Variants in MTHFD2L observed in about 807,000 individuals in gnomAD.
The protein encoded by MTHFD2L is methylenetetrahydrofolate dehydrogenase (NADP+ dependent) 2 like, also known as bifunctional methylenetetrahydrofolate dehydrogenase/cyclohydrolase 2, mitochondrial.
A neutral mutation model predicts 34.9 loss-of-function variants in MTHFD2L; 29 were observed. The observed-to-expected ratio is 0.83, with a 90% CI of 0.62 to 1.13. The LOEUF (loss-of-function observed/expected upper bound fraction) is 1.13, where lower values mean the gene tolerates loss of function less well. MTHFD2L is among the 50% of genes most tolerant of loss of function. The pLI, the probability that MTHFD2L is intolerant of heterozygous loss-of-function variation, is 0.00. For synonymous variants in MTHFD2L, 167 were observed against 155.7 expected, an observed-to-expected ratio of 1.07 and a Z score of -0.54; for missense variants, 481 against 446.5, an observed-to-expected ratio of 1.08 and a Z score of -0.70.
chr4:74,178,208 T>C (rs1164011664), intron 3 of MTHFD2L, among the ~76,000 whole-genome samples: 1 of 152,066 alleles, frequency 6.6e-6, no homozygotes, highest in Non-Finnish European at 1.5e-5. Flanking sequence ...ACATACTATA[T>C]ACTTGCAAAT....
At chr4:74,228,899 G>A (rs535968961) in intron 6 of MTHFD2L, among the ~76,000 whole-genome samples, 4 of 152,152 alleles carry the variant, frequency 2.6e-5, no homozygotes, top group Non-Finnish European at 5.9e-5. Context: ...ACCAGAGGGC[G>A]CCAGTCAGGT....
At chr4:74,144,939 A>G (rs1169898127) in intron 1 of MTHFD2L, among the ~76,000 whole-genome samples, 1 of 152,208 alleles carries the variant, frequency 6.6e-6, no homozygotes, top group Non-Finnish European at 1.5e-5. Context: ...TATAATTTTG[A>G]TTATCCATAG....
At chr4:74,142,171 A>C (rs1016845537) in intron 1 of MTHFD2L, among the ~76,000 whole-genome samples, 1 of 152,234 alleles carries the variant, frequency 6.6e-6, no homozygotes, top group East Asian at 1.9e-4. Flanking sequence ...GCATAGCTGC[A>C]CTACAAAATT....
chr4:74,175,655 A>G (rs1728886650), intron 3 of MTHFD2L, among the ~76,000 whole-genome samples: 1 of 152,060 alleles, frequency 6.6e-6, no homozygotes, highest in Non-Finnish European at 1.5e-5. Flanking sequence ...GTCTCTAAAA[A>G]TGACGATGTA....
upstream of MTHFD2L, chr4:74,158,040 G>A (rs1416861413): frequency 4.6e-6 from 7 of 1,507,330 alleles, no homozygotes; most frequent in South Asian, 1.2e-5. Flanking sequence ...GCTACTTGCT[G>A]CCCTGCCAGC....
chr4:74,206,134 TA>T lies in MTHFD2L; in HGVS notation c.712+4778del, dbSNP rs77020635. On this transcript the variant is annotated intron_variant, in intron 5 of 7. Transcript: ENST00000325278. ...CAGTAACTTTATTAACCAAAACTAG[TA>T]AAAAAAAAAAAAAGGGAAGCAGCCA... Among the ~76,000 whole-genome samples the T allele has an allele frequency of 7.0e-3, 887 of 126,074 alleles. 1 individual carries two copies. The highest frequency in any genetic ancestry group is 8.1e-3 in the Non-Finnish European group (462 of 56,972). 82.7% of individuals were successfully genotyped at this position (126,074 alleles called of 152,430 possible). A position where few individuals can be genotyped will look rare whatever the true frequency, so the allele number is the denominator to read the frequency against.
In MTHFD2L at chr4:74,251,643, C is replaced by A. The variant is rs374165816; in HGVS notation, c.805+26249C>A. Among the ~76,000 whole-genome samples, 167 of 152,168 alleles carry A rather than the reference C, an allele frequency of 1.1e-3. 3 individuals are homozygous for A. In the South Asian group the frequency reaches 0.031, roughly 29 times the overall value. ...CCACAAATATGCCTGAAAAACATGC[C>A]CTCACTGCCACAAGCCAGGCTAAGT... is the stretch of plus-strand genomic sequence containing the variant. On this transcript the variant is annotated intron_variant, in intron 6 of 7. Transcript: ENST00000325278.
chr4:74,281,565 T>A lies in MTHFD2L; in HGVS notation c.931+15T>A. On this transcript the variant is annotated intron_variant, in intron 7 of 7. Transcript: ENST00000325278. ...GGACTTCGAAGGTAATAAACCAATA[T>A]CTTTTGATAGGTGAAGAAGATAAAA... 6.2e-7 allele frequency: 1 copy of A among 1,603,742 alleles called. No homozygotes were observed. The highest frequency in any genetic ancestry group is 8.5e-7 in the Non-Finnish European group (1 of 1,176,164).
chr4:74,263,374 A>G (rs1276549969), intron 6 of MTHFD2L, among the ~76,000 whole-genome samples: 1 of 151,814 alleles, frequency 6.6e-6, no homozygotes, highest in Non-Finnish European at 1.5e-5. Context: ...AAGAATGTCA[A>G]CATTCTAAAA....
chr4:74,132,108 G>A (rs868050823), intron 1 of MTHFD2L, among the ~76,000 whole-genome samples: 1 of 152,182 alleles, frequency 6.6e-6, no homozygotes, highest in Non-Finnish European at 1.5e-5. Flanking sequence ...TGAAGAGGAA[G>A]TGGAGAAATA....
intron 3 of MTHFD2L, among the ~76,000 whole-genome samples, chr4:74,193,135 T>C (rs1732862045): frequency 6.6e-6 from 1 of 152,190 alleles, no homozygotes; most frequent in African/African-American, 2.4e-5. Flanking sequence ...TAGTATGAAA[T>C]AGTCATCATA....
At chr4:74,199,018 T>C (rs914011555) in intron 3 of MTHFD2L, among the ~76,000 whole-genome samples, 1 of 152,112 alleles carries the variant, frequency 6.6e-6, no homozygotes, top group South Asian at 2.1e-4. Context: ...CCGAATAAAC[T>C]TTTACATAGA....
chr4:74,140,773 G>T (rs566987787), intron 1 of MTHFD2L, among the ~76,000 whole-genome samples: 49 of 152,320 alleles, frequency 3.2e-4, no homozygotes, highest in Non-Finnish European at 6.3e-4. Flanking sequence ...AGAAGAATGA[G>T]TGCCCAGTGA....
chr4:74,231,369 G>C (rs2110139820), intron 6 of MTHFD2L, among the ~76,000 whole-genome samples: 1 of 152,176 alleles, frequency 6.6e-6, no homozygotes, highest in East Asian at 1.9e-4. Context: ...GTTCCAAGGG[G>C]TGGGGCAAGG....
Position 74,153,013 on chromosome 4 carries a change from T to A in MTHFD2L, c.-296-7042T>A, listed in dbSNP as rs1031340135. 2.0e-5 allele frequency among the ~76,000 whole-genome samples: 3 copies of A among 152,352 alleles called. No individual in the cohort carries two copies. The East Asian group carries it at 5.8e-4, about 29-fold the overall frequency. ...AGGCAGTAGCTACCCATGTTGTTTA[T>A]TGCTTTGGCTCCACTCCTGGTTTTC... is the stretch of plus-strand genomic sequence containing the variant. On this transcript the variant is annotated intron_variant, in intron 1 of 7. Coordinates refer to the MTHFD2L transcript ENST00000433372.
At chr4:74,230,227 G>GA (rs1296036674) in intron 6 of MTHFD2L, among the ~76,000 whole-genome samples, 40 of 152,292 alleles carry the variant, frequency 2.6e-4, no homozygotes, top group Admixed American at 2.1e-3. Context: ...ATTTATTCAT[G>GA]AAAGAGTAGT....
At chr4:74,212,282 T>C (rs1394253458) in intron 5 of MTHFD2L, among the ~76,000 whole-genome samples, 1 of 152,210 alleles carries the variant, frequency 6.6e-6, no homozygotes, top group African/African-American at 2.4e-5. Context: ...TTAATTGTGA[T>C]GTTAGGGTGT....
intron 7 of MTHFD2L, among the ~76,000 whole-genome samples, chr4:74,287,860 TTA>T: frequency 6.6e-6 from 1 of 152,194 alleles, no homozygotes; most frequent in African/African-American, 2.4e-5. Flanking sequence ...ATCCCACTGT[TTA>T]TATTAGTTTT....
intron 5 of MTHFD2L, among the ~76,000 whole-genome samples, chr4:74,211,296 A>G (rs147915858): frequency 1.8e-3 from 280 of 152,194 alleles, no homozygotes; most frequent in African/African-American, 6.2e-3. Flanking sequence ...CTTTTGCCCA[A>G]TCACTATGAT....
Sources: allele counts gnomAD v4.1 joint callset (sites outside exome capture counted in the v4.1 genomes callset), GRCh38; gene constraint gnomAD v4.1.1; transcripts MANE v1.5; gene names NCBI Gene and HGNC (gene_info 2026-07-23, HGNC 2026-07-21).